ACSM3: variants seen among roughly 807,000 people sequenced by gnomAD.
The protein encoded by ACSM3 is acyl-coenzyme A synthetase ACSM3, mitochondrial.
Under a neutral mutation model 74.1 loss-of-function variants are expected in ACSM3, and 61 were observed. The ratio of observed to expected loss-of-function variants is 0.82; its 90% CI spans 0.67 to 1.02. The LOEUF is 1.02. ACSM3 is among the 50% of genes least tolerant of loss of function. The probability of loss-of-function intolerance (pLI) is 0.00; values close to 1 mark genes in which losing one functional copy is unlikely to be tolerated. For synonymous variants in ACSM3, 213 were observed against 241.5 expected (o/e 0.88, Z 1.09); for missense variants, 660 against 697.0 (o/e 0.95, Z 0.60).
chr16:20,790,781 ACT>A lies in ACSM3; in HGVS notation c.1326+94_1326+95del. On this transcript the variant is annotated intron_variant, in intron 10 of 13. Coordinates refer to ENST00000289416, the MANE Select transcript of ACSM3 (RefSeq NM_005622.4). The surrounding 1 kb of genome is among the most constrained non-coding windows in gnomAD (Gnocchi z 4.0). Reference sequence around the variant, plus strand: ...GCCACAAAACATACCTAGGATAGGTACTTGACCCTTTCTTGAGAGATTGGTTG... The same window carrying A: ...GCCACAAAACATACCTAGGATAGGTATGACCCTTTCTTGAGAGATTGGTTG... The A allele has an allele frequency of 5.0e-6, 8 of 1,613,412 alleles. No individual in the cohort carries two copies. In the South Asian group the frequency reaches 8.8e-5, roughly 18 times the overall value.
intron 1 of ACSM3, among the ~76,000 whole-genome samples, chr16:20,693,908 A>G (rs974495010): frequency 1.3e-5 from 2 of 152,228 alleles, no homozygotes; most frequent in Admixed American, 6.5e-5. Context: ...AATAAATAGT[A>G]ACTTCTCTTA....
Position 20,777,551 on chromosome 16 carries a change from G to A in ACSM3, c.609G>A (p.Glu203=). ...SKLIVSENSR[E]GWGNLKELMK... Reference sequence around the variant, plus strand: ...TGATTGTATCAGAGAACTCCAGAGAGGGGTGGGGGAACCTCAAGGAGTTGA... The same window carrying A: ...TGATTGTATCAGAGAACTCCAGAGAAGGGTGGGGGAACCTCAAGGAGTTGA... Residue 203 remains glutamate (E), a synonymous_variant, in exon 4 of 14, where the codon GAG becomes GAA. Coordinates refer to ENST00000289416, the MANE Select transcript of ACSM3 (RefSeq NM_005622.4). The A allele has an allele frequency of 6.2e-7, 1 of 1,614,034 alleles. No homozygotes were observed. The highest frequency in any genetic ancestry group is 8.5e-7 in the Non-Finnish European group (1 of 1,179,956).
chr16:20,757,022 G>A (rs971678266), intron 3 of ACSM3, among the ~76,000 whole-genome samples: 2 of 151,486 alleles, frequency 1.3e-5, no homozygotes, highest in South Asian at 2.1e-4. Context: ...GTACCATGCT[G>A]TTTTGGTTAC....
intron 1 of ACSM3, among the ~76,000 whole-genome samples, chr16:20,692,254 G>A (rs1301448076): frequency 6.6e-6 from 1 of 152,210 alleles, no homozygotes; most frequent in Non-Finnish European, 1.5e-5. Context: ...GAGACTATGT[G>A]GCCAAGGTGG....
rs1394630309 is a variant in ACSM3 at position 20,765,041 on chromosome 16, GA to G, written c.-52+917del. 5.3e-5 allele frequency among the ~76,000 whole-genome samples: 8 copies of G among 152,320 alleles called. No individual in the cohort carries two copies. In the East Asian group the frequency reaches 1.5e-3, roughly 29 times the overall value. ...CTGTTATTACTTGGATACTTAGAGG[GA>G]GGGATGTTTAGGGAGCTGTGGGGAG... On this transcript the variant is annotated intron_variant, in intron 1 of 13. Coordinates refer to ENST00000289416, the MANE Select transcript of ACSM3 (RefSeq NM_005622.4).
At chr16:20,794,599 T>C (rs1164827757) in intron 12 of ACSM3, among the ~76,000 whole-genome samples, 1 of 152,230 alleles carries the variant, frequency 6.6e-6, no homozygotes, top group African/African-American at 2.4e-5. Context: ...TAGAATTTCA[T>C]AGAGATTTGA....
intron 3 of ACSM3, among the ~76,000 whole-genome samples, chr16:20,776,400 T>C (rs186546862): frequency 1.2e-4 from 19 of 152,192 alleles, no homozygotes; most frequent in Admixed American, 6.5e-5. Flanking sequence ...GTGTCAAGAG[T>C]CCAGGAATGC....
intron 7 of ACSM3, among the ~76,000 whole-genome samples, chr16:20,784,274 C>T (rs964420108): frequency 5.9e-5 from 9 of 152,250 alleles, no homozygotes; most frequent in Admixed American, 2.0e-4. Context: ...AATTCAATTC[C>T]TCAGTTATAC....
At chr16:20,757,726 G>C (rs1221679850) in intron 3 of ACSM3, among the ~76,000 whole-genome samples, 1 of 151,470 alleles carries the variant, frequency 6.6e-6, no homozygotes, top group Non-Finnish European at 1.5e-5. Context: ...TTTTCAAAGG[G>C]AATGCTTCCA....
At chr16:20,724,619 A>G (rs1256301671) in intron 1 of ACSM3, among the ~76,000 whole-genome samples, 1 of 152,240 alleles carries the variant, frequency 6.6e-6, no homozygotes, top group East Asian at 1.9e-4. Context: ...ATGATTGTGT[A>G]TCTAGAAAAC....
chr16:20,782,900 T>G (rs189351352), intron 7 of ACSM3, among the ~76,000 whole-genome samples: 3 of 152,352 alleles, frequency 2.0e-5, no homozygotes, highest in Admixed American at 1.3e-4. Flanking sequence ...AGGTCCCAAG[T>G]GCAGCAGCTT....
At chr16:20,717,902 AG>A (rs541341072) in intron 1 of ACSM3, among the ~76,000 whole-genome samples, 9,226 of 148,572 alleles carry the variant, frequency 0.062, 632 homozygotes, top group East Asian at 0.19. Context: ...AAGGAGAAGG[AG>A]GAAAAAAAGA....
Position 20,792,107 on chromosome 16 carries a change from GA to G in ACSM3, c.1433del (p.Asp478ValfsTer16), listed in dbSNP as rs1436910296. On this transcript the variant is annotated frameshift_variant, in exon 11 of 14. Transcript: ENST00000289416. LOFTEE classifies it high-confidence loss of function. ...DGYFWFVARA[D>X]DVILSSGYRI... ...GTATTTCTGGTTTGTTGCAAGAGCA[GA>G]TGATGTCATATTATCCTCTGGGTAA... 1 of 1,614,140 alleles carries G rather than the reference GA, an allele frequency of 6.2e-7. No homozygotes were observed.
At chr16:20,679,850 C>A (rs1299294457) in intron 1 of ACSM3, 1 of 152,104 alleles carries the variant, frequency 6.6e-6, no homozygotes, top group Non-Finnish European at 1.5e-5. Context: ...CATATTAAAT[C>A]AGAGGGAGAA....
intron 1 of ACSM3, among the ~76,000 whole-genome samples, chr16:20,694,945 C>A (rs1050047827): frequency 6.6e-6 from 1 of 152,110 alleles, no homozygotes. Context: ...AGAAAACCAC[C>A]CTGATCTTGG....
chr16:20,762,293 C>T (rs1300034915), upstream of ACSM3, among the ~76,000 whole-genome samples: 1 of 151,756 alleles, frequency 6.6e-6, no homozygotes, highest in Non-Finnish European at 1.5e-5. Flanking sequence ...CTGTTTTTTC[C>T]CTGTCTCTAA....
At chr16:20,714,666 T>A (rs2079754894) in intron 1 of ACSM3, among the ~76,000 whole-genome samples, 1 of 152,030 alleles carries the variant, frequency 6.6e-6, no homozygotes. Context: ...TTGACTTAGG[T>A]GATCAGTGGG....
At chr16:20,753,498 T>C (rs2080004577) in intron 2 of ACSM3, among the ~76,000 whole-genome samples, 1 of 148,848 alleles carries the variant, frequency 6.7e-6, no homozygotes, top group Admixed American at 6.7e-5. Context: ...TCTGGAAACA[T>C]GAAATTTGAA....
intron 2 of ACSM3, among the ~76,000 whole-genome samples, chr16:20,751,830 C>G (rs905757928): frequency 2.0e-5 from 3 of 152,268 alleles, no homozygotes; most frequent in Admixed American, 2.0e-4. Context: ...TGTTCATTGT[C>G]AAAATCTTTG....
Sources: gnomAD v4.1 joint callset for allele counts (sites outside exome capture counted in the v4.1 genomes callset) on GRCh38, gnomAD v4.1.1 for gene constraint, Gnocchi (gnomAD v3.1) non-coding constraint, MANE v1.5 for transcripts, NCBI Gene and HGNC (gene_info 2026-07-23, HGNC 2026-07-21) for gene names.